The following PRKRA variants were observed in gnomAD, a reference collection of about 807,000 sequenced individuals.
PRKRA encodes protein activator of interferon induced protein kinase EIF2AK2, also known as interferon-inducible double-stranded RNA-dependent protein kinase activator A.
Under a neutral mutation model 32.4 loss-of-function variants are expected in PRKRA, and 22 were observed. That is an observed-to-expected ratio of 0.68 (90% confidence interval 0.49 to 0.97). The LOEUF (loss-of-function observed/expected upper bound fraction) is 0.97, where lower values mean the gene tolerates loss of function less well. PRKRA is among the 50% of genes least tolerant of loss of function. The pLI, the probability that PRKRA is intolerant of heterozygous loss-of-function variation, is 0.00. For missense variants in PRKRA, 319 were observed against 375.6 expected (o/e 0.85, Z 1.25); for synonymous variants, 139 against 129.8 (o/e 1.07, Z -0.48).
At chr2:178,436,988 A>G (rs984830129) in intron 6 of PRKRA, among the ~76,000 whole-genome samples, 4 of 151,558 alleles carry the variant, frequency 2.6e-5, no homozygotes, top group Non-Finnish European at 5.9e-5. Context: ...TTATATTTCC[A>G]TATTAGTTTA....
Position 178,443,381 on chromosome 2 carries a change from A to C in PRKRA, c.400T>G (p.Leu134Val). The stretch of plus-strand genomic sequence containing the variant: ...AGTCTCCAGCCATGATGAATAGCCA[A>C]TTCCTATAAAATCAAGATGAGGCTT... The part of the protein sequence containing the change: ...QLNPIGSLQE[L>V]AIHHGWRLPE... Residue 134 changes from leucine to valine, a missense_variant, in exon 5 of 8, where the codon TTG (leucine) becomes GTG (valine). Transcript: ENST00000325748. The C allele has an allele frequency of 6.3e-7, 1 of 1,585,686 alleles. No homozygotes were observed. The highest frequency in any genetic ancestry group is 8.7e-7 in the Non-Finnish European group (1 of 1,154,278).
chr2:178,451,076 C>T lies in PRKRA; in HGVS notation c.-46G>A. 1 of 1,535,078 alleles carries T rather than the reference C, an allele frequency of 6.5e-7. No homozygotes were observed. The highest frequency in any genetic ancestry group is 8.7e-7 in the Non-Finnish European group (1 of 1,144,648). On this transcript the variant is annotated 5_prime_UTR_variant, in exon 1 of 8. Transcript: ENST00000325748. ...CGGCTGGAGGAAGAGCGGTGCGGAG[C>T]GACGTGCTCGCTCCCCGGGTCGCTG...
At chr2:178,432,316 T>TA (rs1696693971) in intron 7 of PRKRA, 62 bp from the exon 8 acceptor site, 1 of 1,294,598 alleles carries the variant, frequency 7.7e-7, no homozygotes, top group African/African-American at 1.7e-5. Context: ...GATCCCTTTG[T>TA]AAAAACAATA....
intron 4 of PRKRA, among the ~76,000 whole-genome samples, 190 bp downstream of exon 4, chr2:178,444,232 A>G (rs1301336017): frequency 6.6e-6 from 1 of 152,222 alleles, no homozygotes; most frequent in Non-Finnish European, 1.5e-5. Context: ...CAAATACTGT[A>G]TATGAAAGAA....
chr2:178,437,439 A>T (rs914861235), intron 6 of PRKRA, among the ~76,000 whole-genome samples: 1 of 152,086 alleles, frequency 6.6e-6, no homozygotes, highest in African/African-American at 2.4e-5. Context: ...CATCTTGTTC[A>T]TTTTTCTTTT....
intron 3 of PRKRA, among the ~76,000 whole-genome samples, chr2:178,444,771 T>C (rs1697254052): frequency 6.6e-6 from 1 of 152,188 alleles, no homozygotes; most frequent in South Asian, 2.1e-4. Flanking sequence ...TTTAATCCTT[T>C]CTTGAAATTG....
intron 6 of PRKRA, chr2:178,438,735 T>A: frequency 6.6e-6 from 1 of 151,900 alleles, no homozygotes. Flanking sequence ...TGGAGTGCAG[T>A]GGCGTGGATC....
At chr2:178,450,851 G>A (rs1697584651) in intron 1 of PRKRA, 115 bp downstream of exon 1, 3 of 1,312,892 alleles carry the variant, frequency 2.3e-6, no homozygotes, top group Admixed American at 3.8e-5. Context: ...AGCCGCGGAG[G>A]CGTGGGCGCC....
chr2:178,444,602 T>G, intron 3 of PRKRA, 102 bp from the exon 4 acceptor site: 2 of 696,468 alleles, frequency 2.9e-6, no homozygotes, highest in Non-Finnish European at 4.5e-6. Flanking sequence ...TTTGCTCTTG[T>G]CATTCCTTCT....
chr2:178,447,649 G>C, intron 2 of PRKRA, 63 bp from the exon 3 acceptor site: 1 of 1,278,076 alleles, frequency 7.8e-7, no homozygotes, highest in Non-Finnish European at 1.0e-6. Context: ...TTACAAAGAT[G>C]TTTTCAATAC....
At chr2:178,435,500 C>G (rs758784270) in intron 7 of PRKRA, among the ~76,000 whole-genome samples, 8 of 151,638 alleles carry the variant, frequency 5.3e-5, no homozygotes, top group African/African-American at 1.2e-4. Context: ...CCATATTTGT[C>G]TATCCAAATG....
Position 178,443,299 on chromosome 2 carries a change from G to A in PRKRA, c.482C>T (p.Thr161Ile), listed in dbSNP as rs1024274981. ...CATAAATGACTCTAGCCTGCAAATT[G>A]TAGTATATTCTCTCTTATGAGCAGG... ...GGPAHKREYT[T>I]ICRLESFMET... The change falls in exon 5 of 8, where the codon ACA (threonine) becomes ATA (isoleucine). Residue 161 changes from threonine (T) to isoleucine (I), a missense_variant. Thr to Ile is a moderately conservative substitution (Grantham distance 89). Transcript: ENST00000325748. 1 of 1,611,182 alleles carries A rather than the reference G, an allele frequency of 6.2e-7. No homozygotes were observed. The highest frequency in any genetic ancestry group is 8.5e-7 in the Non-Finnish European group (1 of 1,177,454).
rs1697520764 is a variant in PRKRA at position 178,450,293 on chromosome 2, G to A, written c.184C>T (p.His62Tyr). 1.2e-6 allele frequency: 2 copies of A among 1,614,154 alleles called. No homozygotes were observed. The highest frequency in any genetic ancestry group is 1.1e-5 in the South Asian group (1 of 91,092). Residue 62 changes from histidine to tyrosine, a missense_variant, in exon 2 of 8, where the codon CAC (histidine) becomes TAC (tyrosine). Physicochemically the swap from His to Tyr is moderately conservative, Grantham distance 83. Coordinates refer to ENST00000325748, the MANE Select transcript of PRKRA (RefSeq NM_003690.5). ...ACTCTGAAGGTGAAAGTGGGCACGT[G>A]TATTTGCACATCAGATCTTTCACAT... ...YECERSDVQI[H>Y]VPTFTFRVTV... is the part of the protein sequence containing the mutation.
At chr2:178,450,801 C>G in intron 1 of PRKRA, 165 bp downstream of exon 1, 4 of 1,346,434 alleles carry the variant, frequency 3.0e-6, no homozygotes, top group Non-Finnish European at 3.8e-6. Context: ...GGCCGCAGAC[C>G]CCAACCCTCG....
chr2:178,436,128 AG>A lies in PRKRA; in HGVS notation c.784+16del, dbSNP rs1391685145. Reference sequence around the variant, plus strand: ...AATAAACATGTCTTGGGAAAGCCAAAGAAAAAAAAATCATACCTATATCCAA... The same window carrying A: ...AATAAACATGTCTTGGGAAAGCCAAAAAAAAAAAATCATACCTATATCCAA... On this transcript the variant is annotated intron_variant, in intron 7 of 7. Coordinates refer to ENST00000325748, the MANE Select transcript of PRKRA (RefSeq NM_003690.5). The A allele has an allele frequency of 6.3e-7, 1 of 1,594,058 alleles. No homozygotes were observed. The highest frequency in any genetic ancestry group is 8.6e-7 in the Non-Finnish European group (1 of 1,164,068).
At position 178,446,736 on chromosome 2, in the gene PRKRA, T is replaced by A. The variant is rs140707383; in HGVS notation, c.317+769A>T. Among the ~76,000 whole-genome samples, 133 of 152,092 alleles carry A rather than the reference T, an allele frequency of 8.7e-4. 1 individual carries two copies. Among genetic ancestry groups the A allele is most frequent in the African/African-American group, 3.1e-3 (127 of 41,480 alleles). ...TAGAAACACCTAAAGTAGTAAAAAATCTATCCCAGCACTTTGGGAGGCCGA... is the reference window on the plus strand; with the variant it reads ...TAGAAACACCTAAAGTAGTAAAAAAACTATCCCAGCACTTTGGGAGGCCGA... On this transcript the variant is annotated intron_variant, in intron 3 of 7. Coordinates refer to ENST00000325748, the MANE Select transcript of PRKRA (RefSeq NM_003690.5).
In PRKRA at chr2:178,450,246, G is replaced by C; in HGVS notation, c.231C>G (p.Cys77Trp). The change falls in exon 2 of 8, where the codon TGC (cysteine) becomes TGG (tryptophan). Residue 77 changes from cysteine to tryptophan, a missense_variant. Coordinates refer to ENST00000325748, the MANE Select transcript of PRKRA (RefSeq NM_003690.5). ...AGGTTAACTGTGTATACAGACCTGT[G>C]CAGGTTATGTCACCAACGGTTACTC... The part of the protein sequence containing the change: ...TFRVTVGDIT[C>W]TGEGTSKKLA... The C allele has an allele frequency of 6.2e-7, 1 of 1,614,266 alleles. No individual in the cohort carries two copies. Among genetic ancestry groups the C allele is most frequent in the Non-Finnish European group, 8.5e-7 (1 of 1,180,044 alleles).
chr2:178,450,250 G>C lies in PRKRA; in HGVS notation c.227C>G (p.Thr76Ser). ...TAACTGTGTATACAGACCTGTGCAG[G>C]TTATGTCACCAACGGTTACTCTGAA... ...FTFRVTVGDITCTGEGTSKKL... is the reference protein window; with the variant it reads ...FTFRVTVGDISCTGEGTSKKL... Residue 76 changes from threonine (T) to serine (S), a missense_variant, in exon 2 of 8, where the codon ACC (threonine) becomes AGC (serine). Coordinates refer to ENST00000325748, the MANE Select transcript of PRKRA (RefSeq NM_003690.5). 1.9e-6 allele frequency: 3 copies of C among 1,614,252 alleles called. No individual in the cohort carries two copies. The highest frequency in any genetic ancestry group is 2.5e-6 in the Non-Finnish European group (3 of 1,180,036).
chr2:178,450,282 A>T lies in PRKRA; in HGVS notation c.195T>A (p.Thr65=). 6.2e-7 allele frequency: 1 copy of T among 1,614,272 alleles called. No individual in the cohort carries two copies. Among genetic ancestry groups the T allele is most frequent in the Middle Eastern group, 1.6e-4 (1 of 6,062 alleles). ...ERSDVQIHVP[T]FTFRVTVGDI... ...CACCAACGGTTACTCTGAAGGTGAA[A>T]GTGGGCACGTGTATTTGCACATCAG... The change falls in exon 2 of 8, where the codon ACT becomes ACA. Residue 65 remains threonine, a synonymous_variant. Transcript: ENST00000325748.
Sources: allele counts gnomAD v4.1 joint callset (sites outside exome capture counted in the v4.1 genomes callset), GRCh38; gene constraint gnomAD v4.1.1; transcripts MANE v1.5; gene names NCBI Gene and HGNC (gene_info 2026-07-23, HGNC 2026-07-21).